The following DENND5B variants were observed in gnomAD, a reference collection of about 807,000 sequenced individuals.
The protein encoded by DENND5B is DENN domain-containing protein 5B.
In DENND5B, 34 loss-of-function variants were observed where a neutral mutation model predicts 140.6. The ratio of observed to expected loss-of-function variants is 0.24; its 90% CI spans 0.18 to 0.32. The LOEUF (loss-of-function observed/expected upper bound fraction) is 0.32. Among genes scored for constraint, DENND5B ranks in the 10% least tolerant of loss-of-function variants. The pLI is 1.00. For missense variants in DENND5B, 1,142 were observed against 1,560.2 expected, an observed-to-expected ratio of 0.73 and a Z score of 4.52; for synonymous variants, 551 against 562.1, an observed-to-expected ratio of 0.98 and a Z score of 0.28.
intron 20 of DENND5B, among the ~76,000 whole-genome samples, chr12:31,388,433 GAAGA>G (rs753217035): frequency 1.3e-5 from 2 of 152,080 alleles, no homozygotes; most frequent in African/African-American, 4.8e-5. Context: ...CTTTTATGAA[GAAGA>G]AATACAGAAC....
At chr12:31,551,495 G>A (rs186734314) in intron 1 of DENND5B, among the ~76,000 whole-genome samples, 1 of 152,276 alleles carries the variant, frequency 6.6e-6, no homozygotes, top group East Asian at 1.9e-4. Flanking sequence ...GTCAGGTAGC[G>A]TGATGCCTCC....
intron 2 of DENND5B, among the ~76,000 whole-genome samples, chr12:31,482,094 G>A (rs528299872): frequency 1.3e-5 from 2 of 152,310 alleles, no homozygotes; most frequent in African/African-American, 2.4e-5. Flanking sequence ...GCATGAAGGC[G>A]GGTGGGTGTC....
At chr12:31,497,080 C>T (rs770633427) in intron 1 of DENND5B, among the ~76,000 whole-genome samples, 1 of 151,432 alleles carries the variant, frequency 6.6e-6, no homozygotes, top group Non-Finnish European at 1.5e-5. Context: ...TAGTTAGACT[C>T]AGTTTCTATT....
In DENND5B at chr12:31,574,089, G is replaced by T. The variant is rs537756002; in HGVS notation, c.127+16617C>A. Among the ~76,000 whole-genome samples the T allele has an allele frequency of 5.0e-3, 752 of 150,954 alleles. 4 individuals are homozygous for T. Among genetic ancestry groups the T allele is most frequent in the Middle Eastern group, 0.01 (3 of 290 alleles). ...AGCCTGGACAACACGGTGAGATCTTGTCTCTACAAAAATAAAAAAAAAAAT... is the reference window on the plus strand; with the variant it reads ...AGCCTGGACAACACGGTGAGATCTTTTCTCTACAAAAATAAAAAAAAAAAT... On this transcript the variant is annotated intron_variant, in intron 1 of 20. Coordinates refer to ENST00000389082, the MANE Select transcript of DENND5B (RefSeq NM_144973.4).
chr12:31,433,537 T>C (rs561631800), intron 7 of DENND5B, among the ~76,000 whole-genome samples: 11 of 151,414 alleles, frequency 7.3e-5, no homozygotes, highest in African/African-American at 2.7e-4. Context: ...CTTACATACA[T>C]AACAATAAGT....
chr12:31,574,181 T>C (rs768092518), intron 1 of DENND5B, among the ~76,000 whole-genome samples: 15 of 151,322 alleles, frequency 9.9e-5, no homozygotes, highest in South Asian at 2.1e-4. Flanking sequence ...GAGAACCACT[T>C]GAGCCCGGGA....
At chr12:31,393,333 C>T (rs1941251521) in intron 17 of DENND5B, among the ~76,000 whole-genome samples, 1 of 152,114 alleles carries the variant, frequency 6.6e-6, no homozygotes, top group South Asian at 2.1e-4. Context: ...ATGCCAGGTA[C>T]CCTGTGGCAT....
chr12:31,456,229 T>C (rs2568880), intron 4 of DENND5B, among the ~76,000 whole-genome samples: 11,788 of 151,032 alleles, frequency 0.078, 1,050 homozygotes, highest in African/African-American at 0.22. Flanking sequence ...ATTTGGGAAG[T>C]TGAGGCAAAA....
intron 1 of DENND5B, among the ~76,000 whole-genome samples, chr12:31,538,958 GT>G (rs75708833): frequency 0.082 from 11,305 of 138,090 alleles, 1,033 homozygotes; most frequent in African/African-American, 0.23. Flanking sequence ...GAAACAAAAG[GT>G]TTTTTTTTTT....
intron 1 of DENND5B, among the ~76,000 whole-genome samples, chr12:31,584,993 G>C (rs1489097832): frequency 6.6e-6 from 1 of 152,184 alleles, no homozygotes; most frequent in Non-Finnish European, 1.5e-5. Context: ...CAAGAGAGAG[G>C]AACGAAGAGG....
intron 19 of DENND5B, 140 bp from the exon 20 acceptor site, chr12:31,389,638 T>C (rs1941024129): frequency 1.3e-6 from 1 of 761,114 alleles, no homozygotes; most frequent in Non-Finnish European, 2.0e-6. Context: ...TACTTTATCA[T>C]TGATTTTAGG....
chr12:31,501,777 A>AAG (rs1387914271), intron 1 of DENND5B, among the ~76,000 whole-genome samples: 2 of 151,376 alleles, frequency 1.3e-5, no homozygotes. Context: ...CCATCTCAAA[A>AAG]AAAAAAAAAA....
At chr12:31,490,315 T>C (rs1393143764) in intron 2 of DENND5B, among the ~76,000 whole-genome samples, 1 of 151,970 alleles carries the variant, frequency 6.6e-6, no homozygotes, top group Non-Finnish European at 1.5e-5. Flanking sequence ...TTCCTATAAT[T>C]TTACTGTGAG....
intron 1 of DENND5B, among the ~76,000 whole-genome samples, chr12:31,550,347 G>C (rs2139237197): frequency 6.6e-6 from 1 of 150,852 alleles, no homozygotes; most frequent in South Asian, 2.1e-4. Flanking sequence ...AGTTTGCTGA[G>C]AACGATGGTT....
intron 1 of DENND5B, among the ~76,000 whole-genome samples, chr12:31,577,267 G>A (rs192284736): frequency 6.6e-6 from 1 of 152,268 alleles, no homozygotes; most frequent in Admixed American, 6.5e-5. Flanking sequence ...AGGAAGAGAA[G>A]GGAGGGGCAA....
chr12:31,524,101 T>C (rs1036585724), intron 1 of DENND5B, among the ~76,000 whole-genome samples: 2 of 148,548 alleles, frequency 1.3e-5, no homozygotes, highest in Admixed American at 6.9e-5. Flanking sequence ...ACAATCCAAG[T>C]GGTGACGAAT....
intron 17 of DENND5B, among the ~76,000 whole-genome samples, chr12:31,397,722 T>C (rs533374620): frequency 6.6e-6 from 1 of 152,114 alleles, no homozygotes; most frequent in East Asian, 1.9e-4. Flanking sequence ...GCTCAGAAGT[T>C]CAAGACCAGC....
At chr12:31,441,365 T>C (rs193099806) in intron 7 of DENND5B, among the ~76,000 whole-genome samples, 1 of 152,160 alleles carries the variant, frequency 6.6e-6, no homozygotes, top group Admixed American at 6.5e-5. Flanking sequence ...TATGTATTTT[T>C]TTGTAGAGAC....
At chr12:31,499,435 G>A (rs1027766834) in intron 1 of DENND5B, among the ~76,000 whole-genome samples, 1 of 152,170 alleles carries the variant, frequency 6.6e-6, no homozygotes, top group Non-Finnish European at 1.5e-5. Context: ...AAGGCTTGAA[G>A]CAAATGAAGT....
Sources: allele counts gnomAD v4.1 joint callset (sites outside exome capture counted in the v4.1 genomes callset), GRCh38; gene constraint gnomAD v4.1.1; transcripts MANE v1.5; gene names NCBI Gene and HGNC (gene_info 2026-07-23, HGNC 2026-07-21).